The following SLC11A2 variants were observed in gnomAD, a reference collection of about 807,000 sequenced individuals.
SLC11A2 encodes solute carrier family 11 member 2, also known as natural resistance-associated macrophage protein 2.
SLC11A2 carries 38 observed loss-of-function variants against 68.0 expected under a neutral mutation model. That is an observed-to-expected ratio of 0.56 (90% confidence interval 0.43 to 0.73). SLC11A2 has a LOEUF of 0.73. SLC11A2 is among the 30% of genes least tolerant of loss of function. The pLI is 0.00. For missense variants in SLC11A2, 517 were observed against 690.5 expected, an observed-to-expected ratio of 0.75 and a Z score of 2.82; for synonymous variants, 242 against 250.6, an observed-to-expected ratio of 0.97 and a Z score of 0.32.
In SLC11A2 at chr12:50,986,189, C is replaced by T. The variant is rs1284546513; in HGVS notation, c.*2136G>A. 1.6e-6 allele frequency: 2 copies of T among 1,284,146 alleles called. No homozygotes were observed. Among genetic ancestry groups the T allele is most frequent in the African/African-American group, 1.5e-5 (1 of 65,714 alleles). 79.5% of individuals were successfully genotyped at this position (1,284,146 alleles called of 1,614,324 possible). A position where few individuals can be genotyped will look rare whatever the true frequency, so the allele number is the denominator to read the frequency against. ...ATGTCACATTTAAGAAGAACAAGAA[C>T]CAATTTATATAAAGTACAATTGTAT... On this transcript the variant is annotated 3_prime_UTR_variant, in exon 16 of 16. Coordinates refer to ENST00000262052, the MANE Select transcript of SLC11A2 (RefSeq NM_000617.3).
At chr12:51,005,711 GC>G in intron 3 of SLC11A2, 2 of 1,305,986 alleles carry the variant, frequency 1.5e-6, no homozygotes, top group South Asian at 1.2e-5. Context: ...GTACCTCTGT[GC>G]CCAAACACTT....
At chr12:50,968,686 C>T in the SLC11A2 span, among the ~76,000 whole-genome samples, 19 of 152,014 alleles carry the variant, frequency 1.2e-4, no homozygotes, top group African/African-American at 3.4e-4. Context: ...GGATTACAGG[C>T]ACCCGTCACC....
At chr12:51,009,541 G>A (rs906900620) in intron 2 of SLC11A2, among the ~76,000 whole-genome samples, 4 of 152,164 alleles carry the variant, frequency 2.6e-5, no homozygotes, top group African/African-American at 9.7e-5. Flanking sequence ...TCTTTCCATA[G>A]GGAGCTGACT....
chr12:50,980,816 A>C (rs537427101), downstream of SLC11A2: 3 of 152,358 alleles, frequency 2.0e-5, no homozygotes, highest in South Asian at 6.2e-4. Context: ...GGACTATACA[A>C]ATATTAGAAA....
Position 51,002,957 on chromosome 12 carries a change from G to A in SLC11A2, c.429+1831C>T, listed in dbSNP as rs1196803889. Among the ~76,000 whole-genome samples, 5 of 148,886 alleles carry A rather than the reference G, an allele frequency of 3.4e-5. No homozygotes were observed. In the East Asian group the frequency reaches 6.0e-4, roughly 18 times the overall value. On this transcript the variant is annotated intron_variant, in intron 5 of 15. Coordinates refer to ENST00000262052, the MANE Select transcript of SLC11A2 (RefSeq NM_000617.3). ...TCCATCTCAAAAATACCAAAACAAG[G>A]CCAGGCGCAGTGGCTCACGTCTGTA...
chr12:50,964,754 C>T, the SLC11A2 span, among the ~76,000 whole-genome samples: 8 of 152,340 alleles, frequency 5.3e-5, no homozygotes, highest in African/African-American at 1.7e-4. Flanking sequence ...TTTGCTCCAG[C>T]AGCAAAACCA....
At chr12:51,002,624 G>A (rs1042556706) in intron 5 of SLC11A2, among the ~76,000 whole-genome samples, 34 of 61,766 alleles carry the variant, frequency 5.5e-4, no homozygotes, top group African/African-American at 1.8e-3. Context: ...GGGTGACAAA[G>A]CGAGACTTGG....
chr12:51,009,411 C>T, intron 2 of SLC11A2: 1 of 680,400 alleles, frequency 1.5e-6, no homozygotes, highest in Non-Finnish European at 2.0e-6. Flanking sequence ...GGATACCCTG[C>T]CAGAAATACA....
intron 1 of SLC11A2, among the ~76,000 whole-genome samples, chr12:51,012,933 T>C (rs2076399185): frequency 6.6e-6 from 1 of 152,098 alleles, no homozygotes; most frequent in Non-Finnish European, 1.5e-5. Flanking sequence ...CCACTCAGAG[T>C]AGCAGTACTC....
At chr12:51,001,536 C>A (rs924215581) in intron 5 of SLC11A2, among the ~76,000 whole-genome samples, 7 of 146,236 alleles carry the variant, frequency 4.8e-5, no homozygotes, top group African/African-American at 1.5e-4. Context: ...GCTCTGCCTA[C>A]GGAATAGCCT....
downstream of SLC11A2, among the ~76,000 whole-genome samples, chr12:50,976,722 T>A (rs1939853709): frequency 6.6e-6 from 1 of 152,226 alleles, no homozygotes; most frequent in Non-Finnish European, 1.5e-5. Context: ...TGTTTGCAGA[T>A]AACATGATTG....
chr12:50,959,966 G>A, the SLC11A2 span, among the ~76,000 whole-genome samples: 1 of 151,964 alleles, frequency 6.6e-6, no homozygotes, highest in Non-Finnish European at 1.5e-5. Context: ...CTGTTATCTG[G>A]CTATTTTTGT....
intron 1 of SLC11A2, among the ~76,000 whole-genome samples, chr12:51,016,463 C>T (rs1035593690): frequency 6.6e-6 from 1 of 151,702 alleles, no homozygotes; most frequent in Non-Finnish European, 1.5e-5. Context: ...GCGGGCAGAT[C>T]GTGAGGTCGA....
downstream of SLC11A2, among the ~76,000 whole-genome samples, chr12:50,975,783 T>G (rs1476805265): frequency 5.9e-5 from 9 of 152,068 alleles, no homozygotes; most frequent in East Asian, 1.7e-3. Flanking sequence ...GAATCAAATA[T>G]ACACAATAAA....
chr12:50,977,648 G>A (rs1939865848), downstream of SLC11A2, among the ~76,000 whole-genome samples: 1 of 152,088 alleles, frequency 6.6e-6, no homozygotes, highest in Non-Finnish European at 1.5e-5. Context: ...TGACAAATGG[G>A]ATCTAATTAA....
chr12:50,990,424 G>A (rs545445186), intron 15 of SLC11A2, among the ~76,000 whole-genome samples: 2 of 152,328 alleles, frequency 1.3e-5, no homozygotes, highest in South Asian at 4.1e-4. Flanking sequence ...GGAAACTACA[G>A]AAGTGACAGA....
chr12:50,977,776 C>T (rs1939868367), downstream of SLC11A2, among the ~76,000 whole-genome samples: 1 of 152,092 alleles, frequency 6.6e-6, no homozygotes, highest in Non-Finnish European at 1.5e-5. Context: ...CCAGAATCTA[C>T]AAAGAACTCA....
intron 5 of SLC11A2, among the ~76,000 whole-genome samples, chr12:51,003,055 G>A (rs7295893): frequency 0.071 from 10,788 of 151,816 alleles, 732 homozygotes; most frequent in East Asian, 0.28. Flanking sequence ...GGCCAACATG[G>A]TGAAACCCCG....
upstream of SLC11A2, chr12:51,028,434 A>ACC (rs1466319400): frequency 2.1e-6 from 1 of 477,636 alleles, no homozygotes; most frequent in Non-Finnish European, 3.7e-6. Context: ...GAGAAGCATT[A>ACC]TATATCTGCC....
Sources: gnomAD v4.1 joint callset for allele counts (sites outside exome capture counted in the v4.1 genomes callset) on GRCh38, gnomAD v4.1.1 for gene constraint, MANE v1.5 for transcripts, NCBI Gene and HGNC (gene_info 2026-07-23, HGNC 2026-07-21) for gene names.